Variants in RGPD4 observed in about 807,000 individuals in gnomAD.
RGPD4 encodes ranBP2-like and GRIP domain-containing protein 4.
A neutral mutation model predicts 141.1 loss-of-function variants in RGPD4; 84 were observed. The ratio of observed to expected loss-of-function variants is 0.60; its 90% confidence interval spans 0.50 to 0.71. The LOEUF (loss-of-function observed/expected upper bound fraction) is 0.71. Ranked by LOEUF, RGPD4 falls within the 30% of genes least tolerant of loss-of-function variation. RGPD4 has a pLI of 0.00. For synonymous variants in RGPD4, 298 were observed against 566.8 expected, an observed-to-expected ratio of 0.53 and a Z score of 6.74; for missense variants, 918 against 1,622.4, an observed-to-expected ratio of 0.57 and a Z score of 7.46.
rs185240871 is a variant in RGPD4 at position 107,878,360 on chromosome 2, G to C, written c.4925-1608G>C. 1.3e-3 allele frequency among the ~76,000 whole-genome samples: 194 copies of C among 149,268 alleles called. 1 individual carries two copies. The highest frequency in any genetic ancestry group is 4.5e-3 in the African/African-American group (183 of 41,038). On this transcript the variant is annotated intron_variant, in intron 20 of 22. Coordinates refer to ENST00000408999, the MANE Select transcript of RGPD4 (RefSeq NM_182588.3). ...GAGAAACACAGACCTCCCACTTCTA[G>C]ACATGCACACTGTAACCCGGGAAGA...
At position 107,880,337 on chromosome 2, in the gene RGPD4, C is replaced by T. The variant is rs373067469; in HGVS notation, c.5064+230C>T. Among the ~76,000 whole-genome samples, 80 of 134,918 alleles carry T rather than the reference C, an allele frequency of 5.9e-4. 2 individuals carry two copies. The highest frequency in any genetic ancestry group is 2.0e-3 in the African/African-American group (71 of 34,848). 88.5% of individuals were successfully genotyped at this position (134,918 alleles called of 152,430 possible). ...GGAGTGCAGTGGCACGATCCCGGCT[C>T]ACTACAAGCTCCACCTCCCAGGTTC... On this transcript the variant is annotated intron_variant, in intron 21 of 22. Coordinates refer to ENST00000408999, the MANE Select transcript of RGPD4 (RefSeq NM_182588.3).
At chr2:107,878,003 G>A (rs905852082) in intron 20 of RGPD4, among the ~76,000 whole-genome samples, 1 of 151,150 alleles carries the variant, frequency 6.6e-6, no homozygotes, top group Non-Finnish European at 1.5e-5. Flanking sequence ...AGTAGAGATA[G>A]GGTTTCACCA....
At chr2:107,883,463 C>G (rs1190602152) in intron 22 of RGPD4, among the ~76,000 whole-genome samples, 1 of 151,126 alleles carries the variant, frequency 6.6e-6, no homozygotes, top group Non-Finnish European at 1.5e-5. Flanking sequence ...AATCTCGTCT[C>G]TACTAAAAAT....
At chr2:107,858,098 T>C (rs865874496) in intron 9 of RGPD4, among the ~76,000 whole-genome samples, 4 of 151,844 alleles carry the variant, frequency 2.6e-5, no homozygotes, top group Middle Eastern at 3.4e-3. Context: ...TTCTCTCCCA[T>C]AGTCTCTGTA....
rs774097526 is a variant in RGPD4, at chr2:107,890,778, T to C, written c.*47T>C. 6.2e-6 allele frequency: 10 copies of C among 1,601,526 alleles called. No individual in the cohort carries two copies. Among genetic ancestry groups the C allele is most frequent in the African/African-American group, 4.1e-5 (3 of 73,980 alleles). The stretch of plus-strand genomic sequence containing the variant: ...TGGGCATCCTATCTTCGTAGTTGGT[T>C]TGGACTTCGATAGGTTGATGGAAGG... On this transcript the variant is annotated 3_prime_UTR_variant, in exon 23 of 23. Transcript: ENST00000408999.
intron 1 of RGPD4, among the ~76,000 whole-genome samples, chr2:107,831,537 T>C (rs1681485865): frequency 6.7e-6 from 1 of 149,028 alleles, no homozygotes; most frequent in Non-Finnish European, 1.5e-5. Flanking sequence ...TAATTCCCTT[T>C]CTCCCATTTT....
rs1418459066 is a variant in RGPD4 at position 107,870,830 on chromosome 2, A to C, written c.2826A>C (p.Glu942Asp). The change falls in exon 20 of 23, where the codon GAA becomes GAC. Residue 942 changes from glutamate to aspartate, a missense_variant. Coordinates refer to ENST00000408999, the MANE Select transcript of RGPD4 (RefSeq NM_182588.3). Reference protein sequence around the residue: ...NQEKESEKPLENDTGFQAQDI... With the variant: ...NQEKESEKPLDNDTGFQAQDI... ...AAAAGGAAAGTGAAAAGCCTCTTGA[A>C]AATGATACTGGCTTCCAGGCTCAGG... 6.2e-7 allele frequency: 1 copy of C among 1,610,082 alleles called. No homozygotes were observed. The highest frequency in any genetic ancestry group is 8.5e-7 in the Non-Finnish European group (1 of 1,179,142).
intron 1 of RGPD4, among the ~76,000 whole-genome samples, chr2:107,828,621 T>C (rs1275165479): frequency 7.7e-5 from 7 of 90,562 alleles, no homozygotes; most frequent in Admixed American, 2.1e-4. Context: ...GGCCTCGACC[T>C]GGCCCGGCGG....
At chr2:107,880,345 G>T (rs913717646) in intron 21 of RGPD4, among the ~76,000 whole-genome samples, 3 of 120,718 alleles carry the variant, frequency 2.5e-5, no homozygotes, top group African/African-American at 6.7e-5. Context: ...CTCACTACAA[G>T]CTCCACCTCC....
chr2:107,888,682 G>T (rs1224873351), intron 22 of RGPD4, among the ~76,000 whole-genome samples: 1 of 127,262 alleles, frequency 7.9e-6, no homozygotes, highest in Non-Finnish European at 1.6e-5. Flanking sequence ...AGAGATTGTG[G>T]CTTCTATCTT....
intron 22 of RGPD4, among the ~76,000 whole-genome samples, chr2:107,886,589 G>A (rs574306724): frequency 6.6e-6 from 1 of 151,586 alleles, no homozygotes; most frequent in Admixed American, 6.6e-5. Context: ...AAAGGTCTAA[G>A]ATGCCAGAAA....
intron 6 of RGPD4, among the ~76,000 whole-genome samples, chr2:107,845,204 C>T (rs1573476996): frequency 1.1e-5 from 1 of 93,460 alleles, no homozygotes; most frequent in African/African-American, 3.9e-5. Context: ...CCACACCTGG[C>T]TAATTTTTTT....
chr2:107,831,370 T>TGC, intron 1 of RGPD4, among the ~76,000 whole-genome samples: 1 of 143,916 alleles, frequency 6.9e-6, no homozygotes, highest in Middle Eastern at 3.6e-3. Context: ...GCTATGTTGC[T>TGC]CATCAAATTT....
At chr2:107,828,605 G>A (rs1435667713) in intron 1 of RGPD4, among the ~76,000 whole-genome samples, 2 of 121,820 alleles carry the variant, frequency 1.6e-5, no homozygotes, top group African/African-American at 3.3e-5. Flanking sequence ...CTGGCCGGGC[G>A]GCGGCGGCCT....
At position 107,826,984 on chromosome 2, in the gene RGPD4, A is replaced by C. The variant is rs1468406597; in HGVS notation, c.-30A>C. On this transcript the variant is annotated 5_prime_UTR_variant, in exon 1 of 23. Transcript: ENST00000408999. ...TGCTGCGGGGCTGAGCGCTGGTTTC[A>C]CGCGTCTCGGGAGCCAGGTTGGTGG... 2.5e-6 allele frequency: 4 copies of C among 1,587,390 alleles called. No homozygotes were observed. The East Asian group carries it at 6.9e-5, about 27-fold the overall frequency.
chr2:107,834,466 T>C (rs1359590527), intron 1 of RGPD4, among the ~76,000 whole-genome samples: 1 of 152,102 alleles, frequency 6.6e-6, no homozygotes, highest in African/African-American at 2.4e-5. Flanking sequence ...AGCCTCCTGC[T>C]CCGTCCTACC....
rs770086250 is a variant in RGPD4, at chr2:107,871,986, G to C, written c.3982G>C (p.Glu1328Gln). ...TDEESDVTQE[E>Q]ERDGQYFEPV... ...TGAAGAATCTGATGTTACTCAAGAAGAAGAGAGAGATGGACAGTACTTTGA... is the reference window on the plus strand; with the variant it reads ...TGAAGAATCTGATGTTACTCAAGAACAAGAGAGAGATGGACAGTACTTTGA... The change falls in exon 20 of 23, where the codon GAA (glutamate) becomes CAA (glutamine). Residue 1328 changes from glutamate to glutamine, a missense_variant. Transcript: ENST00000408999. 24 of 1,611,400 alleles carry C rather than the reference G, an allele frequency of 1.5e-5. No individual in the cohort carries two copies. Among genetic ancestry groups the C allele is most frequent in the Middle Eastern group, 2.2e-4 (1 of 4,452 alleles).
At chr2:107,831,613 T>A (rs1193229303) in intron 1 of RGPD4, among the ~76,000 whole-genome samples, 1 of 123,336 alleles carries the variant, frequency 8.1e-6, no homozygotes, top group African/African-American at 3.2e-5. Context: ...TCTCGCTCTA[T>A]CGTCCAGGCT....
chr2:107,889,729 G>T (rs1168751377), intron 22 of RGPD4, among the ~76,000 whole-genome samples: 3 of 150,940 alleles, frequency 2.0e-5, no homozygotes, highest in African/African-American at 7.3e-5. Flanking sequence ...AAAAGGGCAG[G>T]TTTTACTATA....
Sources: gnomAD v4.1 joint callset for allele counts (sites outside exome capture counted in the v4.1 genomes callset) on GRCh38, gnomAD v4.1.1 for gene constraint, MANE v1.5 for transcripts, NCBI Gene and HGNC (gene_info 2026-07-23, HGNC 2026-07-21) for gene names.